The following CEP112 variants were observed in gnomAD, a reference collection of about 807,000 sequenced individuals.
CEP112 encodes centrosomal protein of 112 kDa.
CEP112 carries 127 observed loss-of-function variants against 153.0 expected under a neutral mutation model. The ratio of observed to expected loss-of-function variants is 0.83; its 90% CI spans 0.72 to 0.96. The LOEUF (loss-of-function observed/expected upper bound fraction) is 0.96. CEP112 is among the 40% of genes least tolerant of loss of function. The pLI is 0.00. For missense variants in CEP112, 1,089 were observed against 1,101.2 expected, an observed-to-expected ratio of 0.99 and a Z score of 0.16; for synonymous variants, 358 against 374.4, an observed-to-expected ratio of 0.96 and a Z score of 0.51.
chr17:66,087,659 A>G (rs992101504), intron 8 of CEP112, among the ~76,000 whole-genome samples: 3 of 152,202 alleles, frequency 2.0e-5, no homozygotes, highest in African/African-American at 7.2e-5. Context: ...AAATACCTTC[A>G]TAAGAGCTAA....
At chr17:66,121,436 G>A (rs371193572) in intron 6 of CEP112, among the ~76,000 whole-genome samples, 1 of 152,226 alleles carries the variant, frequency 6.6e-6, no homozygotes, top group Non-Finnish European at 1.5e-5. Context: ...TTCTTCAAAC[G>A]TATTTTCTGC....
intron 21 of CEP112, among the ~76,000 whole-genome samples, chr17:65,850,171 A>C (rs1407627508): frequency 6.6e-6 from 1 of 151,210 alleles, no homozygotes; most frequent in Non-Finnish European, 1.5e-5. Context: ...AAAAAAAAAA[A>C]AAAAAAGAAT....
intron 12 of CEP112, among the ~76,000 whole-genome samples, chr17:66,043,908 G>A (rs11655309): frequency 0.41 from 62,442 of 151,812 alleles, 14,308 homozygotes; most frequent in East Asian, 0.87. Context: ...TGACAGTCCC[G>A]TCTTTCATCT....
intron 23 of CEP112, among the ~76,000 whole-genome samples, chr17:65,721,790 C>G (rs1367489782): frequency 1.3e-5 from 2 of 152,016 alleles, no homozygotes. Context: ...CAAATAATAA[C>G]CTCTTTTCTA....
intron 11 of CEP112, among the ~76,000 whole-genome samples, chr17:66,062,213 A>G (rs1043873808): frequency 6.6e-6 from 1 of 152,186 alleles, no homozygotes; most frequent in African/African-American, 2.4e-5. Context: ...AAATGGACTA[A>G]TACATAGTGG....
chr17:65,902,457 T>A, intron 19 of CEP112, 123 bp from the exon 20 acceptor site: 1 of 636,780 alleles, frequency 1.6e-6, no homozygotes, highest in Non-Finnish European at 2.5e-6. Context: ...ACATCATTAT[T>A]ACCTCACCCT....
At chr17:65,649,087 C>A (rs937167940) in intron 24 of CEP112, among the ~76,000 whole-genome samples, 317 of 99,064 alleles carry the variant, frequency 3.2e-3, no homozygotes, top group African/African-American at 9.2e-3. Flanking sequence ...CACACACACA[C>A]ACACACACAC....
intron 21 of CEP112, among the ~76,000 whole-genome samples, chr17:65,816,483 C>A (rs571191655): frequency 6.6e-6 from 1 of 151,894 alleles, no homozygotes; most frequent in Non-Finnish European, 1.5e-5. Flanking sequence ...TTGTATCATT[C>A]TTATGCCATC....
Position 66,086,193 on chromosome 17 carries a change from T to A in CEP112, c.768+10058A>T, listed in dbSNP as rs571274831. Among the ~76,000 whole-genome samples, 40 of 152,106 alleles carry A rather than the reference T, an allele frequency of 2.6e-4. No individual in the cohort carries two copies. The East Asian group carries it at 7.1e-3, about 27-fold the overall frequency. ...AGTTGACTCACTTAAAAGAATGCTA[T>A]TTATTGTTTTAAAAATATTACCCAG... On this transcript the variant is annotated intron_variant, in intron 8 of 26. Coordinates refer to ENST00000535342, the MANE Select transcript of CEP112 (RefSeq NM_001199165.4).
rs183053398 is a variant in CEP112 at position 65,884,124 on chromosome 17, T to C, written c.2163+18028A>G. On this transcript the variant is annotated intron_variant, in intron 20 of 26. Transcript: ENST00000535342. ...CATATAGTTGTTAAGGCCACTGAAA[T>C]GCAGGTAATCACTTAACAGAAACAT... Among the ~76,000 whole-genome samples, 370 of 152,116 alleles carry C rather than the reference T, an allele frequency of 2.4e-3. 1 individual carries two copies. The highest frequency in any genetic ancestry group is 8.1e-3 in the African/African-American group (335 of 41,492).
intron 8 of CEP112, among the ~76,000 whole-genome samples, chr17:66,092,847 G>C (rs1035297858): frequency 2.6e-5 from 4 of 152,032 alleles, no homozygotes; most frequent in Admixed American, 2.0e-4. Flanking sequence ...CAACAAATTA[G>C]GTATAGAAGA....
chr17:65,799,725 C>T (rs1057230195), intron 21 of CEP112, among the ~76,000 whole-genome samples: 10 of 152,128 alleles, frequency 6.6e-5, no homozygotes, highest in African/African-American at 2.4e-4. Flanking sequence ...GCCACATTGA[C>T]GCAAGTCAAA....
rs1568313774 is a variant in CEP112, at chr17:65,970,389, A to ACATGCACACATCATGCATGTAAC, written c.1737-8792_1737-8791insGTTACATGCATGATGTGTGCATG. ...TTACATGCACACATCATGCATATAT[A>ACATGCACACATCATGCATGTAAC]TTACATGCATGCACACATCATGCAT... On this transcript the variant is annotated intron_variant, in intron 17 of 26. Transcript: ENST00000535342. 6.7e-5 allele frequency among the ~76,000 whole-genome samples: 4 copies of ACATGCACACATCATGCATGTAAC among 59,684 alleles called. 1 individual carries two copies. The highest frequency in any genetic ancestry group is 1.8e-4 in the African/African-American group (4 of 22,022). 39.2% of individuals were successfully genotyped at this position (59,684 alleles called of 152,430 possible).
chr17:65,896,738 C>CT lies in CEP112; in HGVS notation c.2163+5413dup, dbSNP rs541958218. 1.5e-3 allele frequency among the ~76,000 whole-genome samples: 232 copies of CT among 152,056 alleles called. 1 individual carries two copies. The highest frequency in any genetic ancestry group is 6.8e-3 in the Middle Eastern group (2 of 294). On this transcript the variant is annotated intron_variant, in intron 20 of 26. Transcript: ENST00000535342. The stretch of plus-strand genomic sequence containing the variant: ...AGAAAAACAGCATCTCCCCCACACA[C>CT]TTTTTTAAATGGCCTAGTTATGAAA...
At chr17:66,138,749 A>G (rs2070555028) in intron 4 of CEP112, among the ~76,000 whole-genome samples, 1 of 152,186 alleles carries the variant, frequency 6.6e-6, no homozygotes. Context: ...CAATAAACAC[A>G]TCATCAAATC....
At chr17:65,676,017 C>G (rs1450666242) in intron 24 of CEP112, among the ~76,000 whole-genome samples, 1 of 152,048 alleles carries the variant, frequency 6.6e-6, no homozygotes, top group East Asian at 1.9e-4. Flanking sequence ...ATGTCAGCAA[C>G]AAACTGTGAG....
chr17:66,178,095 G>C (rs2072564415), intron 2 of CEP112, among the ~76,000 whole-genome samples: 1 of 152,138 alleles, frequency 6.6e-6, no homozygotes, highest in African/African-American at 2.4e-5. Context: ...GGGATTGCTG[G>C]ATCACATGGT....
At chr17:65,940,377 C>T (rs1184758700) in intron 18 of CEP112, among the ~76,000 whole-genome samples, 1 of 151,962 alleles carries the variant, frequency 6.6e-6, no homozygotes, top group Non-Finnish European at 1.5e-5. Flanking sequence ...TCCAGCAGTC[C>T]CACTACTCAG....
intron 4 of CEP112, among the ~76,000 whole-genome samples, chr17:66,168,868 C>G (rs1183952868): frequency 6.6e-6 from 1 of 152,080 alleles, no homozygotes; most frequent in Non-Finnish European, 1.5e-5. Flanking sequence ...TATAAAAAGG[C>G]TCTCACCCAT....
Sources: allele counts gnomAD v4.1 joint callset (sites outside exome capture counted in the v4.1 genomes callset), GRCh38; gene constraint gnomAD v4.1.1; transcripts MANE v1.5; gene names NCBI Gene and HGNC (gene_info 2026-07-23, HGNC 2026-07-21).